The following RAD51B variants were observed in gnomAD, a reference collection of about 807,000 sequenced individuals.
RAD51B encodes the protein DNA repair protein RAD51 homolog 2.
RAD51B carries 38 observed loss-of-function variants against 42.2 expected under a neutral mutation model. The observed-to-expected ratio is 0.90, with a 90% CI of 0.70 to 1.18. RAD51B has a LOEUF of 1.18. Ranked by LOEUF, RAD51B falls within the 50% of genes most tolerant of loss-of-function variation. The probability of loss-of-function intolerance (pLI) is 0.00; values close to 1 mark genes in which losing one functional copy is unlikely to be tolerated. For missense variants in RAD51B, 373 were observed against 400.7 expected (o/e 0.93, Z 0.59); for synonymous variants, 154 against 145.2 (o/e 1.06, Z -0.43).
intron 8 of RAD51B, among the ~76,000 whole-genome samples, chr14:68,297,277 G>A (rs938612942): frequency 6.6e-6 from 1 of 152,178 alleles, no homozygotes; most frequent in African/African-American, 2.4e-5. Context: ...GATCTGCTCT[G>A]GATTTACTGC....
At chr14:68,365,202 T>C (rs1015805702) in intron 8 of RAD51B, among the ~76,000 whole-genome samples, 3 of 152,200 alleles carry the variant, frequency 2.0e-5, no homozygotes, top group Admixed American at 6.5e-5. Context: ...ACGCCAGAGC[T>C]TCAGAGGCAT....
At chr14:68,393,874 G>A (rs1473872587) in intron 8 of RAD51B, among the ~76,000 whole-genome samples, 2 of 152,204 alleles carry the variant, frequency 1.3e-5, no homozygotes, top group African/African-American at 4.8e-5. Context: ...TGAGGGATCT[G>A]TTTCTGCAAA....
chr14:68,661,617 G>T (rs1892934971), intron 11 of RAD51B, among the ~76,000 whole-genome samples: 1 of 152,218 alleles, frequency 6.6e-6, no homozygotes, highest in African/African-American at 2.4e-5. Flanking sequence ...CTCCATCATG[G>T]GTTGGTATGC....
chr14:68,144,550 G>A (rs2078210543), intron 7 of RAD51B, among the ~76,000 whole-genome samples: 1 of 152,188 alleles, frequency 6.6e-6, no homozygotes, highest in South Asian at 2.1e-4. Context: ...ATTGTCTTTT[G>A]TTGATGAGTA....
chr14:68,288,879 T>C (rs1421896064), intron 7 of RAD51B, among the ~76,000 whole-genome samples: 1 of 152,230 alleles, frequency 6.6e-6, no homozygotes, highest in Non-Finnish European at 1.5e-5. Context: ...TTTAGATCTC[T>C]CAGAAGTTCC....
At chr14:68,377,820 G>A (rs2139975241) in intron 8 of RAD51B, among the ~76,000 whole-genome samples, 1 of 152,356 alleles carries the variant, frequency 6.6e-6, no homozygotes, top group South Asian at 2.1e-4. Context: ...TCCTTCATCT[G>A]TAAAGGGAAG....
At chr14:68,380,362 C>T (rs2083456084) in intron 8 of RAD51B, among the ~76,000 whole-genome samples, 1 of 152,208 alleles carries the variant, frequency 6.6e-6, no homozygotes, top group African/African-American at 2.4e-5. Context: ...TAACTGACCA[C>T]ACACATGGTC....
chr14:68,282,722 T>A (rs1295059969), intron 7 of RAD51B, among the ~76,000 whole-genome samples: 2 of 152,242 alleles, frequency 1.3e-5, no homozygotes. Flanking sequence ...GAGTGGCCTT[T>A]GCTCCCATTT....
At chr14:68,062,596 C>G (rs1319805256) in intron 7 of RAD51B, among the ~76,000 whole-genome samples, 1 of 151,918 alleles carries the variant, frequency 6.6e-6, no homozygotes, top group African/African-American at 2.4e-5. Flanking sequence ...GAGTTCGAGA[C>G]CAGCCTGGCC....
intron 7 of RAD51B, among the ~76,000 whole-genome samples, chr14:68,275,808 A>ACACACG (rs1211897782): frequency 1.3e-5 from 2 of 149,634 alleles, no homozygotes; most frequent in Admixed American, 6.7e-5. Flanking sequence ...ACACACACAC[A>ACACACG]CACACACACA....
chr14:68,395,795 C>T (rs1337137725), intron 8 of RAD51B, among the ~76,000 whole-genome samples: 2 of 152,216 alleles, frequency 1.3e-5, no homozygotes, highest in Non-Finnish European at 2.9e-5. Context: ...TGCCCCAGGA[C>T]TGACCAGTGA....
In RAD51B at chr14:68,284,400, C is replaced by A. The variant is rs144698399; in HGVS notation, c.757-7484C>A. The stretch of plus-strand genomic sequence containing the variant: ...TATTCTAAGCAGACTGCTACATTAA[C>A]AGTTGTTATACATTCATTCTCTGCA... On this transcript the variant is annotated intron_variant, in intron 7 of 10. Coordinates refer to ENST00000471583, the MANE Select transcript of RAD51B (RefSeq NM_133510.4). Among the ~76,000 whole-genome samples, 15 of 152,358 alleles carry A rather than the reference C, an allele frequency of 9.8e-5. No individual in the cohort carries two copies. In the East Asian group the frequency reaches 2.5e-3, roughly 25 times the overall value.
intron 7 of RAD51B, among the ~76,000 whole-genome samples, chr14:68,074,042 T>C (rs1207142506): frequency 1.3e-5 from 2 of 152,154 alleles, no homozygotes; most frequent in Non-Finnish European, 2.9e-5. Flanking sequence ...CGGCAGTTCT[T>C]TGAATTTTCT....
intron 7 of RAD51B, among the ~76,000 whole-genome samples, chr14:68,117,839 A>T (rs1288633467): frequency 6.6e-6 from 1 of 152,216 alleles, no homozygotes; most frequent in Non-Finnish European, 1.5e-5. Flanking sequence ...TCTTTACACT[A>T]ATCCAACGAT....
exon 11 of RAD51B, chr14:68,611,194 A>G (rs1891668323): frequency 2.8e-6 from 2 of 702,836 alleles, no homozygotes; most frequent in Admixed American, 2.0e-5. Context: ...TCTTCCTCCT[A>G]CAAACTGGGC....
chr14:68,610,487 C>G (rs536948865), intron 10 of RAD51B, among the ~76,000 whole-genome samples: 46 of 152,228 alleles, frequency 3.0e-4, no homozygotes, highest in Non-Finnish European at 7.3e-5. Context: ...TGTGGCTCCC[C>G]TGCCAGGAAC....
At chr14:67,940,607 A>G (rs908776330) in intron 7 of RAD51B, among the ~76,000 whole-genome samples, 2 of 152,052 alleles carry the variant, frequency 1.3e-5, no homozygotes, top group African/African-American at 4.8e-5. Context: ...TCAGCTTATT[A>G]TGTCAAAGGA....
chr14:68,317,730 A>G (rs1343488419), intron 8 of RAD51B, among the ~76,000 whole-genome samples: 2 of 152,204 alleles, frequency 1.3e-5, no homozygotes, highest in Non-Finnish European at 2.9e-5. Flanking sequence ...GAGACCATTT[A>G]AGGGAAGAAT....
At chr14:68,608,369 C>T (rs1375599599) in intron 10 of RAD51B, among the ~76,000 whole-genome samples, 1 of 152,214 alleles carries the variant, frequency 6.6e-6, no homozygotes, top group Non-Finnish European at 1.5e-5. Context: ...CCACCACCAC[C>T]CCGAGTCCTT....
Sources: allele counts gnomAD v4.1 joint callset (sites outside exome capture counted in the v4.1 genomes callset), GRCh38; gene constraint gnomAD v4.1.1; transcripts MANE v1.5; gene names NCBI Gene and HGNC (gene_info 2026-07-23, HGNC 2026-07-21).